Variants in C2CD3 observed in about 807,000 individuals in gnomAD.
C2CD3 encodes the protein C2 domain-containing protein 3.
C2CD3 carries 148 observed loss-of-function variants against 234.0 expected under a neutral mutation model. That is an observed-to-expected ratio of 0.63 (90% CI 0.55 to 0.72). C2CD3 has a LOEUF of 0.72. C2CD3 is among the 30% of genes least tolerant of loss of function. C2CD3 has a pLI of 0.00. For missense variants in C2CD3, 2,577 were observed against 2,811.5 expected (o/e 0.92, Z 1.89); for synonymous variants, 1,000 against 1,035.4 (o/e 0.97, Z 0.66).
intron 3 of C2CD3, among the ~76,000 whole-genome samples, chr11:74,160,540 T>G (rs556865172): frequency 6.4e-4 from 98 of 152,106 alleles, no homozygotes; most frequent in African/African-American, 2.3e-3. Flanking sequence ...CTAAAGAAAG[T>G]AGATCTCATA....
chr11:74,016,177 G>A (rs1006465925), intron 32 of C2CD3, among the ~76,000 whole-genome samples: 3 of 152,316 alleles, frequency 2.0e-5, no homozygotes, highest in African/African-American at 7.2e-5. Context: ...CGTGGTTCCT[G>A]TTGTCATAGG....
intron 5 of C2CD3, 180 bp from the exon 6 acceptor site, chr11:74,133,737 G>C: frequency 1.6e-6 from 1 of 620,272 alleles, no homozygotes; most frequent in Non-Finnish European, 2.8e-6. Context: ...GATGTTTACT[G>C]AGTTTCTACT....
chr11:74,049,268 A>G, intron 27 of C2CD3, 69 bp downstream of exon 27: 1 of 1,320,278 alleles, frequency 7.6e-7, no homozygotes, highest in Non-Finnish European at 1.1e-6. Context: ...AGTGCCAAAC[A>G]TGAGTAAAGG....
intron 13 of C2CD3, among the ~76,000 whole-genome samples, chr11:74,103,949 C>T (rs1956418833): frequency 1.3e-5 from 2 of 152,242 alleles, no homozygotes; most frequent in South Asian, 4.1e-4. Context: ...TCTAGGACAA[C>T]TTAAGCATCA....
intron 20 of C2CD3, among the ~76,000 whole-genome samples, chr11:74,086,744 G>A (rs940906248): frequency 6.6e-6 from 1 of 152,120 alleles, no homozygotes; most frequent in Non-Finnish European, 1.5e-5. Context: ...AAGTCATTTG[G>A]GTGTAGCTAC....
intron 11 of C2CD3, among the ~76,000 whole-genome samples, chr11:74,111,552 A>G (rs1404763256): frequency 6.6e-6 from 1 of 152,178 alleles, no homozygotes; most frequent in Non-Finnish European, 1.5e-5. Flanking sequence ...ATGTATATGC[A>G]AATATTCCAA....
At chr11:74,133,288 G>A in intron 6 of C2CD3, 137 bp downstream of exon 6, 1 of 780,674 alleles carries the variant, frequency 1.3e-6, no homozygotes, top group South Asian at 1.7e-5. Context: ...AACTCCTAGT[G>A]TAGGCTTCTT....
intron 25 of C2CD3, among the ~76,000 whole-genome samples, chr11:74,055,936 T>G (rs1402306323): frequency 6.6e-6 from 1 of 152,242 alleles, no homozygotes; most frequent in East Asian, 1.9e-4. Flanking sequence ...GTTAGGTTTT[T>G]AGGTTGTGAA....
intron 3 of C2CD3, among the ~76,000 whole-genome samples, chr11:74,154,426 AAAAG>A (rs1283044378): frequency 6.6e-6 from 1 of 152,194 alleles, no homozygotes; most frequent in Non-Finnish European, 1.5e-5. Flanking sequence ...ATTAAAAAAG[AAAAG>A]AAAGAGAGAA....
chr11:74,048,196 T>C lies in C2CD3; in HGVS notation c.5495+9A>G. 1 of 1,612,188 alleles carries C rather than the reference T, an allele frequency of 6.2e-7. No individual in the cohort carries two copies. Among genetic ancestry groups the C allele is most frequent in the South Asian group, 1.1e-5 (1 of 90,644 alleles). ...CCCCATTTCTTCTCATCATCAAGAA[T>C]TCACTCACCTCCCAGGAGAGGAGAA... On this transcript the variant is annotated intron_variant, in intron 28 of 32. Coordinates refer to ENST00000334126, the MANE Select transcript of C2CD3 (RefSeq NM_001286577.2).
At chr11:74,064,104 G>A (rs1219133256) in intron 24 of C2CD3, among the ~76,000 whole-genome samples, 1 of 151,008 alleles carries the variant, frequency 6.6e-6, no homozygotes, top group Non-Finnish European at 1.5e-5. Context: ...GTGTCCATGT[G>A]TTCTCATTGT....
At position 74,088,083 on chromosome 11, in the gene C2CD3, A is replaced by G. The variant is rs577187373; in HGVS notation, c.3642-2197T>C. Among the ~76,000 whole-genome samples the G allele has an allele frequency of 5.1e-4, 78 of 152,322 alleles. 1 individual carries two copies. Among genetic ancestry groups the G allele is most frequent in the African/African-American group, 1.9e-3 (77 of 41,574 alleles). ...CAAGAGGGGTAAGTTTAGAACATCA[A>G]GAATTCTTTTCAGTAAGAGGCAATG... On this transcript the variant is annotated intron_variant, in intron 20 of 32. Transcript: ENST00000334126.
chr11:74,059,712 G>T (rs1242691175), intron 24 of C2CD3, among the ~76,000 whole-genome samples: 1 of 152,206 alleles, frequency 6.6e-6, no homozygotes, highest in Non-Finnish European at 1.5e-5. Context: ...AGCTCCCAGC[G>T]TGAGCAACGC....
intron 18 of C2CD3, among the ~76,000 whole-genome samples, chr11:74,093,355 T>A (rs951507014): frequency 2.7e-5 from 4 of 147,878 alleles, no homozygotes; most frequent in African/African-American, 9.8e-5. Flanking sequence ...TATATATAAA[T>A]TATATTATTA....
chr11:74,170,476 A>G (rs1251878353), intron 1 of C2CD3, among the ~76,000 whole-genome samples: 1 of 152,046 alleles, frequency 6.6e-6, no homozygotes, highest in Non-Finnish European at 1.5e-5. Context: ...CAATCCCATC[A>G]TTGTTTGTTC....
chr11:74,019,633 T>C (rs2135400696), intron 32 of C2CD3, among the ~76,000 whole-genome samples: 1 of 152,208 alleles, frequency 6.6e-6, no homozygotes, highest in South Asian at 2.1e-4. Context: ...CTACCAGGAC[T>C]ATTTATCTTT....
At chr11:74,053,650 G>C (rs1953806139) in intron 26 of C2CD3, among the ~76,000 whole-genome samples, 2 of 152,214 alleles carry the variant, frequency 1.3e-5, no homozygotes, top group African/African-American at 4.8e-5. Flanking sequence ...TGGTTAATAA[G>C]CCAGAGTCAA....
chr11:74,022,824 C>G (rs956791581), intron 32 of C2CD3, among the ~76,000 whole-genome samples: 1 of 152,242 alleles, frequency 6.6e-6, no homozygotes, highest in Non-Finnish European at 1.5e-5. Flanking sequence ...GCAAATGGAT[C>G]GCTGTGCTGC....
chr11:74,150,971 G>A (rs1855610823), intron 3 of C2CD3, among the ~76,000 whole-genome samples: 2 of 151,396 alleles, frequency 1.3e-5, no homozygotes, highest in South Asian at 4.2e-4. Flanking sequence ...CACCCAGGCT[G>A]GAGTAGTGCA....
Sources: gnomAD v4.1 joint callset for allele counts (sites outside exome capture counted in the v4.1 genomes callset) on GRCh38, gnomAD v4.1.1 for gene constraint, MANE v1.5 for transcripts, NCBI Gene and HGNC (gene_info 2026-07-23, HGNC 2026-07-21) for gene names.